The following AP3B1 variants were observed in gnomAD, a reference collection of about 807,000 sequenced individuals.
AP3B1 encodes the protein adaptor related protein complex 3 subunit beta 1.
In AP3B1, 61 loss-of-function variants were observed where a neutral mutation model predicts 132.5. The observed-to-expected ratio is 0.46, with a 90% CI of 0.37 to 0.57. AP3B1 has a LOEUF of 0.57. AP3B1 is among the 20% of genes least tolerant of loss of function. The pLI is 0.00. For synonymous variants in AP3B1, 388 were observed against 438.3 expected (o/e 0.89, Z 1.43); for missense variants, 1,120 against 1,289.4 (o/e 0.87, Z 2.01).
At chr5:78,169,173 A>G (rs1004654007) in intron 11 of AP3B1, among the ~76,000 whole-genome samples, 4 of 152,114 alleles carry the variant, frequency 2.6e-5, no homozygotes, top group African/African-American at 4.8e-5. Flanking sequence ...ATAGATTTAT[A>G]TTCCTAACTG....
rs533697111 is a variant in AP3B1, at chr5:78,053,404, G to A, written c.2578-14130C>T. ...ATATAAGAAAAGTCAAGTCCCAGTC[G>A]GGTGCAGCGGCTCACGCCTGTAATC... is the stretch of plus-strand genomic sequence containing the variant. On this transcript the variant is annotated intron_variant, in intron 22 of 26. Coordinates refer to ENST00000255194, the MANE Select transcript of AP3B1 (RefSeq NM_003664.5). Among the ~76,000 whole-genome samples, 112 of 151,974 alleles carry A rather than the reference G, an allele frequency of 7.4e-4. 1 individual carries two copies. The highest frequency in any genetic ancestry group is 2.5e-3 in the African/African-American group (102 of 41,480).
At chr5:78,272,436 T>C (rs1169116899) in intron 1 of AP3B1, among the ~76,000 whole-genome samples, 1 of 152,206 alleles carries the variant, frequency 6.6e-6, no homozygotes, top group Non-Finnish European at 1.5e-5. Context: ...CTGATACATA[T>C]GACCATTACT....
chr5:78,246,993 C>G (rs1747405362), intron 2 of AP3B1, among the ~76,000 whole-genome samples: 1 of 151,908 alleles, frequency 6.6e-6, no homozygotes, highest in Non-Finnish European at 1.5e-5. Flanking sequence ...TACCTAAATC[C>G]TCCAAACTTT....
intron 24 of AP3B1, among the ~76,000 whole-genome samples, chr5:78,032,762 T>C (rs1296763596): frequency 6.6e-6 from 1 of 152,038 alleles, no homozygotes; most frequent in African/African-American, 2.4e-5. Context: ...ATCTTTATAA[T>C]AACAAAACAT....
At chr5:78,184,686 C>CAAAAAA (rs772722596) in intron 7 of AP3B1, among the ~76,000 whole-genome samples, 3,915 of 110,288 alleles carry the variant, frequency 0.035, 100 homozygotes, top group East Asian at 0.14. Context: ...GACACTGTCT[C>CAAAAAA]AAAAAAAAAA....
At chr5:78,195,064 C>A (rs376545738) in intron 7 of AP3B1, among the ~76,000 whole-genome samples, 133 of 137,394 alleles carry the variant, frequency 9.7e-4, no homozygotes, top group African/African-American at 7.9e-4. Context: ...TGGACCAAAC[C>A]AAAAAAAAAA....
chr5:78,288,962 A>G (rs1428846285), intron 1 of AP3B1, among the ~76,000 whole-genome samples: 1 of 151,874 alleles, frequency 6.6e-6, no homozygotes, highest in African/African-American at 2.4e-5. Flanking sequence ...AAAACACCCA[A>G]AAATATGGTA....
intron 6 of AP3B1, chr5:78,222,666 T>C (rs1014248974): frequency 2.6e-5 from 4 of 152,020 alleles, no homozygotes; most frequent in African/African-American, 9.7e-5. Context: ...ATGAGAAAAT[T>C]AACTCAAACA....
chr5:78,050,194 G>GTAA (rs1748519981), intron 22 of AP3B1, among the ~76,000 whole-genome samples: 1 of 152,058 alleles, frequency 6.6e-6, no homozygotes, highest in Non-Finnish European at 1.5e-5. Context: ...TACCATCTTA[G>GTAA]TAAGGCTTAA....
chr5:78,121,555 C>T (rs1407692178), intron 17 of AP3B1, among the ~76,000 whole-genome samples: 3 of 152,086 alleles, frequency 2.0e-5, no homozygotes, highest in Admixed American at 6.6e-5. Context: ...CATCAGAGAA[C>T]ACTACAAACA....
chr5:78,017,717 AG>A (rs541965463), intron 25 of AP3B1, among the ~76,000 whole-genome samples: 125 of 152,182 alleles, frequency 8.2e-4, no homozygotes, highest in Admixed American at 4.9e-3. Context: ...AAATAGGCAA[AG>A]GTTTCATTAA....
chr5:78,071,239 C>A (rs1393622801), intron 22 of AP3B1, among the ~76,000 whole-genome samples: 1 of 152,152 alleles, frequency 6.6e-6, no homozygotes, highest in Non-Finnish European at 1.5e-5. Flanking sequence ...TAAAAAGGAA[C>A]AAGATCATGT....
rs1746367083 is a variant in AP3B1 at position 78,225,540 on chromosome 5, A to C, written c.603+2T>G. 4.6e-6 allele frequency: 7 copies of C among 1,522,304 alleles called. No homozygotes were observed. The highest frequency in any genetic ancestry group is 6.4e-6 in the Non-Finnish European group (7 of 1,099,022). The allele number at this position is 1,522,304 out of a possible 1,614,324, so 94.3% of individuals were successfully genotyped here. A position where few individuals can be genotyped will look rare whatever the true frequency, so the allele number is the denominator to read the frequency against. The stretch of plus-strand genomic sequence containing the variant: ...TCAAAGACGTAAAAAGACATTACTT[A>C]CTGTGCTTTTATCTTTCAGAAGTTT... On this transcript the variant is annotated splice_donor_variant, in intron 6 of 26. Transcript: ENST00000255194. LOFTEE classifies it high-confidence loss of function.
intron 20 of AP3B1, 89 bp from the exon 21 acceptor site, chr5:78,101,114 T>C (rs1054393667): frequency 1.3e-5 from 10 of 753,666 alleles, no homozygotes; most frequent in South Asian, 6.8e-5. Context: ...AACTTTTTTT[T>C]CCTCTGCTTA....
intron 26 of AP3B1, among the ~76,000 whole-genome samples, chr5:78,014,181 G>T (rs1347334362): frequency 8.0e-5 from 12 of 150,160 alleles, no homozygotes; most frequent in Admixed American, 7.9e-4. Flanking sequence ...AAAAAGAAAT[G>T]AAAGCATGAG....
At chr5:78,034,503 T>TA in intron 23 of AP3B1, 58 bp from the exon 24 acceptor site, 1 of 1,283,416 alleles carries the variant, frequency 7.8e-7, no homozygotes, top group Non-Finnish European at 1.1e-6. Flanking sequence ...AGAGGCAAAC[T>TA]AAACACTGAA....
rs541166417 is a variant in AP3B1, at chr5:78,269,850, G to A, written c.129-2255C>T. ...TTATTGAGTCTAATTTAAAAAGTGG[G>A]GCTTGTATTTTATTTTGTGTGCCTT... On this transcript the variant is annotated intron_variant, in intron 1 of 26. Transcript: ENST00000255194. Among the ~76,000 whole-genome samples the A allele has an allele frequency of 3.3e-5, 5 of 151,706 alleles. No individual in the cohort carries two copies. The East Asian group carries it at 7.7e-4, about 23-fold the overall frequency.
chr5:78,166,731 A>C (rs1376309365), intron 11 of AP3B1, among the ~76,000 whole-genome samples: 1 of 152,222 alleles, frequency 6.6e-6, no homozygotes, highest in Non-Finnish European at 1.5e-5. Flanking sequence ...AGGCAAACAG[A>C]AACACAAAAT....
At chr5:78,167,583 G>T (rs757087065) in intron 11 of AP3B1, among the ~76,000 whole-genome samples, 1 of 151,620 alleles carries the variant, frequency 6.6e-6, no homozygotes. Context: ...TATGGAACCA[G>T]CCCAAATGCC....
Sources: gnomAD v4.1 joint callset for allele counts (sites outside exome capture counted in the v4.1 genomes callset) on GRCh38, gnomAD v4.1.1 for gene constraint, MANE v1.5 for transcripts, NCBI Gene and HGNC (gene_info 2026-07-23, HGNC 2026-07-21) for gene names.